The following HTR2B variants were observed in gnomAD, a reference collection of about 807,000 sequenced individuals.
The protein encoded by HTR2B is 5-HT 2B receptor.
A neutral mutation model predicts 39.8 loss-of-function variants in HTR2B; 31 were observed. The observed-to-expected ratio is 0.78, with a 90% CI of 0.58 to 1.05. The LOEUF (loss-of-function observed/expected upper bound fraction) is 1.05. Ranked by LOEUF, HTR2B falls within the 50% of genes least tolerant of loss-of-function variation. The pLI is 0.00. For synonymous variants in HTR2B, 210 were observed against 207.1 expected, an observed-to-expected ratio of 1.01 and a Z score of -0.12; for missense variants, 562 against 578.0, an observed-to-expected ratio of 0.97 and a Z score of 0.28.
At chr2:231,112,720 T>G (rs933461829) in intron 3 of HTR2B, among the ~76,000 whole-genome samples, 1 of 152,214 alleles carries the variant, frequency 6.6e-6, no homozygotes, top group Admixed American at 6.5e-5. Flanking sequence ...TTGAATGATT[T>G]ACGCATACTT....
chr2:231,118,232 A>C (rs1364360092), intron 2 of HTR2B, among the ~76,000 whole-genome samples: 1 of 152,136 alleles, frequency 6.6e-6, no homozygotes, highest in Non-Finnish European at 1.5e-5. Context: ...CACTCAATAA[A>C]TGTTAGTGCT....
intron 2 of HTR2B, among the ~76,000 whole-genome samples, chr2:231,115,879 T>G (rs1282692790): frequency 2.0e-5 from 3 of 152,136 alleles, no homozygotes; most frequent in African/African-American, 7.2e-5. Context: ...TGTATCAGAC[T>G]CTGCAGTTAA....
chr2:231,114,081 G>A (rs1214053046), intron 2 of HTR2B, 152 bp from the exon 3 acceptor site: 2 of 670,796 alleles, frequency 3.0e-6, no homozygotes, highest in Admixed American at 2.4e-5. Flanking sequence ...AGATAATGGA[G>A]ACAACATTAA....
intron 2 of HTR2B, among the ~76,000 whole-genome samples, chr2:231,117,039 G>A (rs1190772995): frequency 1.3e-5 from 2 of 151,920 alleles, no homozygotes; most frequent in Non-Finnish European, 2.9e-5. Context: ...ATTAAAAACA[G>A]TTCTAGACAC....
chr2:231,122,212 A>C (rs2125230582), intron 2 of HTR2B, among the ~76,000 whole-genome samples: 1 of 152,194 alleles, frequency 6.6e-6, no homozygotes, highest in East Asian at 1.9e-4. Context: ...CCTGCCACAT[A>C]ATTTTCTTGA....
intron 2 of HTR2B, among the ~76,000 whole-genome samples, chr2:231,117,576 A>G (rs1695387985): frequency 6.6e-6 from 1 of 152,174 alleles, no homozygotes; most frequent in African/African-American, 2.4e-5. Flanking sequence ...TATCTAAAGA[A>G]TATCAGTAGC....
chr2:231,114,055 C>T lies in HTR2B; in HGVS notation c.353-126G>A, dbSNP rs1695250834. The T allele has an allele frequency of 5.4e-6, 4 of 743,678 alleles. No individual in the cohort carries two copies. In the African/African-American group the frequency reaches 7.0e-5, roughly 13 times the overall value. The allele number at this position is 743,678 out of a possible 1,614,324, so 46.1% of individuals were successfully genotyped here. A position where few individuals can be genotyped will look rare whatever the true frequency, so the allele number is the denominator to read the frequency against. On this transcript the variant is annotated intron_variant, in intron 2 of 3. Coordinates refer to ENST00000258400, the MANE Select transcript of HTR2B (RefSeq NM_000867.5). The stretch of plus-strand genomic sequence containing the variant: ...ATCTGAAATTTTATAACTTTAACAA[C>T]ATAATGTTTAACTTCAGATAATGGA...
intron 3 of HTR2B, 68 bp downstream of exon 3, chr2:231,113,661 G>A (rs1695232685): frequency 3.6e-6 from 5 of 1,370,952 alleles, no homozygotes; most frequent in South Asian, 3.5e-5. Context: ...TACCAGACCT[G>A]GTATTCTCCT....
rs1397921791 is a variant in HTR2B at position 231,123,560 on chromosome 2, T to C, written c.205A>G (p.Ile69Val). ...LLILMVIIPTIGGNTLVILAV... is the reference protein window; with the variant it reads ...LLILMVIIPTVGGNTLVILAV... ...AGAATAACAAGGGTATTTCCACCAA[T>C]TGTGGGTATTATCACCATGAGTATC... is the stretch of plus-strand genomic sequence containing the variant. The change falls in exon 2 of 4, where the codon ATT becomes GTT. Residue 69 changes from isoleucine (I) to valine (V), a missense_variant. Transcript: ENST00000258400. The C allele has an allele frequency of 6.2e-7, 1 of 1,614,112 alleles. No individual in the cohort carries two copies. The highest frequency in any genetic ancestry group is 1.3e-5 in the African/African-American group (1 of 75,052).
At chr2:231,115,161 G>C (rs555816688) in intron 2 of HTR2B, among the ~76,000 whole-genome samples, 4 of 151,974 alleles carry the variant, frequency 2.6e-5, no homozygotes, top group African/African-American at 9.7e-5. Flanking sequence ...TAAGGAGCCT[G>C]GGGGTGGAGA....
In HTR2B at chr2:231,109,115, A is replaced by G. The variant is rs370382293; in HGVS notation, c.848T>C (p.Met283Thr). Residue 283 changes from methionine to threonine, a missense_variant, in exon 4 of 4, where the codon ATG (methionine) becomes ACG (threonine). By Grantham distance (81) the Met-to-Thr change is moderately conservative. Transcript: ENST00000258400. ...CTTGTCCTTTCGAGAACCATCCAGC[A>G]TTGCCACCTTTTCCGGTGACGAGCA... ...TPCSSPEKVA[M>T]LDGSRKDKAL... 4.1e-5 allele frequency: 66 copies of G among 1,614,022 alleles called. No homozygotes were observed. In the Middle Eastern group the frequency reaches 6.6e-4, roughly 16 times the overall value.
At position 231,108,591 on chromosome 2, in the gene HTR2B, T is replaced by C. The variant is rs1294287126; in HGVS notation, c.1372A>G (p.Ile458Val). 1.2e-6 allele frequency: 2 copies of C among 1,614,022 alleles called. No homozygotes were observed. The highest frequency in any genetic ancestry group is 4.5e-5 in the East Asian group (2 of 44,854). ...LRSSTIQSSS[I>V]ILLDTLLLTE... is the part of the protein sequence containing the mutation. ...AGGAGAAGCGTATCTAGTAGAATGA[T>C]TGATGAAGACTGAATGGTTGAACTT... The change falls in exon 4 of 4, where the codon ATC becomes GTC. Residue 458 changes from isoleucine (I) to valine (V), a missense_variant. Transcript: ENST00000258400.
Position 231,109,372 on chromosome 2 carries a change from A to G in HTR2B, c.591T>C (p.Thr197=). 1.9e-6 allele frequency: 3 copies of G among 1,614,178 alleles called. No homozygotes were observed. The East Asian group carries it at 6.7e-5, about 36-fold the overall frequency. Residue 197 remains threonine, a synonymous_variant, in exon 4 of 4, where the codon ACT becomes ACC. Transcript: ENST00000258400. ...AIPVPIKGIE[T]DVDNPNNITC... is the part of the protein sequence containing the mutation. ...TGATATTGTTTGGGTTGTCCACATC[A>G]GTCTCTATCCCTTTAATAGGGACTG...
chr2:231,108,662 C>T lies in HTR2B; in HGVS notation c.1301G>A (p.Arg434Gln), dbSNP rs781269061. ...GTACATGGCAGGGTTAATCCCATTT[C>T]GAATTCCATGTTTCTTGAAAAACTT... ...NSKFFKKHGI[R>Q]NGINPAMYQS... Residue 434 changes from arginine to glutamine, a missense_variant, in exon 4 of 4, where the codon CGA becomes CAA. By Grantham distance (43) the Arg-to-Gln change is conservative (BLOSUM62 1). Transcript: ENST00000258400. 68 of 1,613,952 alleles carry T rather than the reference C, an allele frequency of 4.2e-5. No homozygotes were observed. The highest frequency in any genetic ancestry group is 3.3e-4 in the Middle Eastern group (2 of 6,084).
At chr2:231,116,978 G>C (rs1268045642) in intron 2 of HTR2B, among the ~76,000 whole-genome samples, 1 of 152,030 alleles carries the variant, frequency 6.6e-6, no homozygotes. Context: ...AAAAGAAAAA[G>C]AGGCTTTTTT....
At chr2:231,124,708 C>CT (rs1369974057) in intron 1 of HTR2B, among the ~76,000 whole-genome samples, 1 of 152,014 alleles carries the variant, frequency 6.6e-6, no homozygotes, top group African/African-American at 2.4e-5. Flanking sequence ...CAAACCAGTT[C>CT]TTTTTTTGTT....
intron 3 of HTR2B, among the ~76,000 whole-genome samples, chr2:231,112,723 G>T (rs77855723): frequency 2.0e-5 from 3 of 152,154 alleles, no homozygotes; most frequent in South Asian, 4.2e-4. Flanking sequence ...AATGATTTAC[G>T]CATACTTCAT....
chr2:231,111,667 A>G (rs1358678249), intron 3 of HTR2B, among the ~76,000 whole-genome samples: 2 of 152,212 alleles, frequency 1.3e-5, no homozygotes, highest in Non-Finnish European at 2.9e-5. Flanking sequence ...GATCGGTTCT[A>G]CAAGACAAAG....
At position 231,109,046 on chromosome 2, in the gene HTR2B, G is replaced by A. The variant is rs1246201823; in HGVS notation, c.917C>T (p.Ser306Phe). ...CTGCACTGACTTTTTCCCAATTGTGGATGTTCTTCGCATAAGTGTTTCATC... is the reference window on the plus strand; with the variant it reads ...CTGCACTGACTTTTTCCCAATTGTGAATGTTCTTCGCATAAGTGTTTCATC... ...SGDETLMRRT[S>F]TIGKKSVQTI... Residue 306 changes from serine (S) to phenylalanine (F), a missense_variant, in exon 4 of 4, where the codon TCC (serine) becomes TTC (phenylalanine). Physicochemically the swap from Ser to Phe is radical, Grantham distance 155 (BLOSUM62 -2). Coordinates refer to ENST00000258400, the MANE Select transcript of HTR2B (RefSeq NM_000867.5). 1 of 1,614,214 alleles carries A rather than the reference G, an allele frequency of 6.2e-7. No individual in the cohort carries two copies. The highest frequency in any genetic ancestry group is 1.7e-5 in the Admixed American group (1 of 60,022).
Sources: allele counts gnomAD v4.1 joint callset (sites outside exome capture counted in the v4.1 genomes callset), GRCh38; gene constraint gnomAD v4.1.1; transcripts MANE v1.5; gene names NCBI Gene and HGNC (gene_info 2026-07-23, HGNC 2026-07-21).